Variants in DPP10 observed in about 807,000 individuals in gnomAD.
DPP10 encodes the protein dipeptidyl peptidase like 10, also known as inactive dipeptidyl peptidase 10.
A neutral mutation model predicts 120.9 loss-of-function variants in DPP10; 33 were observed. That is an observed-to-expected ratio of 0.27 (90% confidence interval 0.21 to 0.37). The LOEUF is 0.37. Among genes scored for constraint, DPP10 ranks in the 10% least tolerant of loss-of-function variants. The pLI is 1.00. For synonymous variants in DPP10, 337 were observed against 326.1 expected (o/e 1.03, Z -0.36); for missense variants, 816 against 942.8 (o/e 0.87, Z 1.76).
chr2:115,327,253 T>G (rs1384216301), intron 2 of DPP10, among the ~76,000 whole-genome samples: 5 of 152,052 alleles, frequency 3.3e-5, no homozygotes, highest in African/African-American at 1.2e-4. Flanking sequence ...CATCTGGGTT[T>G]GTGTAAGTAC....
chr2:114,612,203 C>T (rs547819622), intron 1 of DPP10, among the ~76,000 whole-genome samples: 1 of 152,278 alleles, frequency 6.6e-6, no homozygotes, highest in Non-Finnish European at 1.5e-5. Flanking sequence ...TTGACTCTGG[C>T]TCTTCACCTA....
intron 16 of DPP10, 75 bp from the exon 17 acceptor site, chr2:115,782,276 AC>A: frequency 7.7e-7 from 1 of 1,302,160 alleles, no homozygotes; most frequent in Non-Finnish European, 1.1e-6. Flanking sequence ...GGGGGAAAAA[AC>A]TATTATGTAA....
At chr2:114,909,894 G>C (rs947175384) in intron 1 of DPP10, among the ~76,000 whole-genome samples, 1 of 151,730 alleles carries the variant, frequency 6.6e-6, no homozygotes, top group Non-Finnish European at 1.5e-5. Flanking sequence ...AAAATAAGCC[G>C]CTATAAGCAA....
chr2:114,478,665 A>G (rs973347578), intron 1 of DPP10, among the ~76,000 whole-genome samples: 6 of 152,006 alleles, frequency 3.9e-5, no homozygotes, highest in Non-Finnish European at 8.8e-5. Flanking sequence ...AAATTTCATA[A>G]TTACATAGAA....
intron 1 of DPP10, among the ~76,000 whole-genome samples, chr2:115,267,364 G>A (rs1001984338): frequency 5.3e-5 from 8 of 152,090 alleles, no homozygotes; most frequent in South Asian, 4.1e-4. Flanking sequence ...CTTTAAAAGG[G>A]AATTACTGAA....
chr2:115,318,091 C>G (rs1220147952), intron 2 of DPP10, among the ~76,000 whole-genome samples: 1 of 151,862 alleles, frequency 6.6e-6, no homozygotes, highest in African/African-American at 2.4e-5. Flanking sequence ...CTACATGGGT[C>G]ATTGATTCAT....
intron 19 of DPP10, among the ~76,000 whole-genome samples, chr2:115,797,977 A>AT (rs1447345089): frequency 6.6e-6 from 1 of 151,768 alleles, no homozygotes; most frequent in African/African-American, 2.4e-5. Context: ...ATACACACGT[A>AT]TATGCACACA....
At chr2:115,433,270 C>T (rs990879147) in intron 3 of DPP10, among the ~76,000 whole-genome samples, 1 of 151,966 alleles carries the variant, frequency 6.6e-6, no homozygotes, top group East Asian at 1.9e-4. Flanking sequence ...TAGATACAAT[C>T]AATATTATGG....
intron 1 of DPP10, among the ~76,000 whole-genome samples, chr2:115,225,046 A>G (rs972964631): frequency 6.6e-6 from 1 of 152,198 alleles, no homozygotes; most frequent in Non-Finnish European, 1.5e-5. Flanking sequence ...GAGATAGTCC[A>G]TAGGTCTATT....
intron 1 of DPP10, among the ~76,000 whole-genome samples, chr2:114,575,247 C>T (rs1351940805): frequency 1.3e-5 from 2 of 152,062 alleles, no homozygotes; most frequent in African/African-American, 4.8e-5. Context: ...AAAAGAATAG[C>T]TGGCATTAGA....
intron 1 of DPP10, among the ~76,000 whole-genome samples, chr2:115,123,578 A>C (rs2049930179): frequency 6.6e-6 from 1 of 152,144 alleles, no homozygotes; most frequent in South Asian, 2.1e-4. Flanking sequence ...CGGTCATCCA[A>C]ATCCTGAGAG....
At chr2:114,532,316 C>G (rs1686085724) in intron 1 of DPP10, among the ~76,000 whole-genome samples, 1 of 140,602 alleles carries the variant, frequency 7.1e-6, no homozygotes, top group Non-Finnish European at 1.5e-5. Flanking sequence ...CACACACACA[C>G]AGATACACAC....
At chr2:115,318,410 A>C (rs1446168608) in intron 2 of DPP10, among the ~76,000 whole-genome samples, 1 of 152,158 alleles carries the variant, frequency 6.6e-6, no homozygotes, top group Non-Finnish European at 1.5e-5. Flanking sequence ...TGAAGAGCCC[A>C]TCACAGTTCC....
intron 3 of DPP10, among the ~76,000 whole-genome samples, chr2:115,384,289 A>G (rs937788177): frequency 2.0e-5 from 3 of 152,058 alleles, no homozygotes; most frequent in African/African-American, 7.2e-5. Flanking sequence ...TGGGAAGATC[A>G]CTGGAGACTA....
At chr2:114,797,323 A>T (rs1490336276) in intron 1 of DPP10, among the ~76,000 whole-genome samples, 4 of 152,138 alleles carry the variant, frequency 2.6e-5, no homozygotes, top group African/African-American at 9.7e-5. Context: ...CGTGTGATGT[A>T]TTGACAAGAA....
chr2:115,110,646 A>G lies in DPP10; in HGVS notation c.61-198593A>G, dbSNP rs539231989. On this transcript the variant is annotated intron_variant, in intron 1 of 25. Transcript: ENST00000410059. ...ATTAAAATATATATAGATGAGTCTC[A>G]GATTAAGACTATAAAATTTCTCACA... 2.6e-5 allele frequency among the ~76,000 whole-genome samples: 4 copies of G among 152,236 alleles called. No homozygotes were observed. The South Asian group carries it at 8.3e-4, about 32-fold the overall frequency.
chr2:114,620,209 T>G (rs1448287854), intron 1 of DPP10, among the ~76,000 whole-genome samples: 2 of 151,904 alleles, frequency 1.3e-5, no homozygotes, highest in Non-Finnish European at 2.9e-5. Flanking sequence ...CAACAAGTCA[T>G]CAACAGGCAT....
chr2:114,456,156 G>A (rs776114101), intron 1 of DPP10, among the ~76,000 whole-genome samples: 2 of 152,170 alleles, frequency 1.3e-5, no homozygotes, highest in Non-Finnish European at 2.9e-5. Context: ...GTAAGGGGAG[G>A]CCCACCTGGA....
intron 5 of DPP10, among the ~76,000 whole-genome samples, chr2:115,639,088 T>A (rs1230140256): frequency 1.3e-5 from 2 of 152,152 alleles, no homozygotes; most frequent in African/African-American, 4.8e-5. Flanking sequence ...GGGGCCACCA[T>A]TAGTCAGCAG....
Sources: allele counts gnomAD v4.1 joint callset (sites outside exome capture counted in the v4.1 genomes callset), GRCh38; gene constraint gnomAD v4.1.1; transcripts MANE v1.5; gene names NCBI Gene and HGNC (gene_info 2026-07-23, HGNC 2026-07-21).